ASIC2: variants seen among roughly 807,000 people sequenced by gnomAD.
ASIC2 encodes the protein acid sensing ion channel subunit 2.
A neutral mutation model predicts 57.3 loss-of-function variants in ASIC2; 25 were observed. The ratio of observed to expected loss-of-function variants is 0.44; its 90% CI spans 0.32 to 0.61. The LOEUF (loss-of-function observed/expected upper bound fraction) is 0.61. ASIC2 is among the 20% of genes least tolerant of loss of function. ASIC2 has a pLI of 0.06. For synonymous variants in ASIC2, 319 were observed against 307.5 expected (o/e 1.04, Z -0.39); for missense variants, 641 against 738.1 (o/e 0.87, Z 1.52).
At chr17:33,747,461 G>T (rs1910302792) in intron 1 of ASIC2, among the ~76,000 whole-genome samples, 1 of 152,108 alleles carries the variant, frequency 6.6e-6, no homozygotes, top group South Asian at 2.1e-4. Flanking sequence ...GAGCTCAAGT[G>T]ATCTGCCTGC....
intron 1 of ASIC2, among the ~76,000 whole-genome samples, chr17:33,613,173 C>A (rs766145497): frequency 6.6e-6 from 1 of 152,064 alleles, no homozygotes; most frequent in South Asian, 2.1e-4. Context: ...ACATGGACTA[C>A]GATTTCCCGG....
At chr17:34,028,641 A>T (rs149128737) in intron 1 of ASIC2, among the ~76,000 whole-genome samples, 216 of 152,360 alleles carry the variant, frequency 1.4e-3, no homozygotes, top group African/African-American at 4.6e-3. Flanking sequence ...ACAAGAGGAC[A>T]TATCTGGAGT....
chr17:34,014,200 A>C (rs1906865614), intron 1 of ASIC2, among the ~76,000 whole-genome samples: 1 of 152,200 alleles, frequency 6.6e-6, no homozygotes, highest in Non-Finnish European at 1.5e-5. Context: ...TCATGATTTC[A>C]ATAAACTAAA....
At chr17:33,879,289 T>C (rs1054389727) in intron 1 of ASIC2, among the ~76,000 whole-genome samples, 13 of 152,104 alleles carry the variant, frequency 8.5e-5, no homozygotes, top group Non-Finnish European at 1.9e-4. Flanking sequence ...GGCTAAATGC[T>C]CCAATTAAAA....
intron 1 of ASIC2, among the ~76,000 whole-genome samples, chr17:33,797,484 T>C (rs1014118712): frequency 6.6e-6 from 1 of 152,214 alleles, no homozygotes; most frequent in Non-Finnish European, 1.5e-5. Flanking sequence ...ATAAATGTTA[T>C]ATATTTATCT....
chr17:33,077,267 C>G (rs886170634), intron 3 of ASIC2, among the ~76,000 whole-genome samples: 1 of 152,080 alleles, frequency 6.6e-6, no homozygotes, highest in African/African-American at 2.4e-5. Context: ...GCACATAAAT[C>G]GGGAGTGATG....
chr17:33,764,925 A>G (rs1430906462), intron 1 of ASIC2, among the ~76,000 whole-genome samples: 1 of 152,038 alleles, frequency 6.6e-6, no homozygotes, highest in Admixed American at 6.5e-5. Flanking sequence ...TCTTCTGCTC[A>G]TGGACCATCA....
Position 33,177,702 on chromosome 17 carries a change from G to T in ASIC2, c.709-65635C>A, listed in dbSNP as rs573966894. Among the ~76,000 whole-genome samples the T allele has an allele frequency of 2.6e-5, 4 of 152,192 alleles. No homozygotes were observed. The South Asian group carries it at 8.3e-4, about 32-fold the overall frequency. ...GAACCCTCAAACCCCTCAGTCTTAG[G>T]GGGTGGAGGCTGCTCCTGGAGGAAT... On this transcript the variant is annotated intron_variant, in intron 1 of 9. Coordinates refer to ENST00000225823, the MANE Select transcript of ASIC2 (RefSeq NM_183377.2).
intron 1 of ASIC2, among the ~76,000 whole-genome samples, chr17:34,034,526 A>C (rs945551615): frequency 6.6e-6 from 1 of 152,196 alleles, no homozygotes; most frequent in Admixed American, 6.5e-5. Flanking sequence ...ATCAGGCAGG[A>C]GAAGGAAATA....
At chr17:33,051,773 T>C (rs2091977943) in intron 3 of ASIC2, among the ~76,000 whole-genome samples, 1 of 152,182 alleles carries the variant, frequency 6.6e-6, no homozygotes, top group Non-Finnish European at 1.5e-5. Context: ...AGGCAGTCAA[T>C]ATAGCAGAGA....
chr17:33,746,306 A>G (rs1910256802), intron 1 of ASIC2, among the ~76,000 whole-genome samples: 2 of 150,434 alleles, frequency 1.3e-5, no homozygotes. Flanking sequence ...ACGTATGTAT[A>G]TACATGTACA....
chr17:33,555,438 G>A (rs1915878997), intron 1 of ASIC2, among the ~76,000 whole-genome samples: 1 of 152,026 alleles, frequency 6.6e-6, no homozygotes, highest in Non-Finnish European at 1.5e-5. Context: ...CCAGCAACAT[G>A]TGTATGAAGA....
chr17:34,027,812 C>T (rs563611881), intron 1 of ASIC2, among the ~76,000 whole-genome samples: 2 of 152,352 alleles, frequency 1.3e-5, no homozygotes, highest in South Asian at 2.1e-4. Context: ...ACTGCTATAT[C>T]TCTAGGACCT....
At chr17:33,475,665 G>T (rs1455398367) in intron 1 of ASIC2, among the ~76,000 whole-genome samples, 1 of 152,208 alleles carries the variant, frequency 6.6e-6, no homozygotes, top group Admixed American at 6.5e-5. Context: ...ACCCAAAATT[G>T]CAGTAATTGC....
intron 1 of ASIC2, among the ~76,000 whole-genome samples, chr17:33,914,320 G>A (rs1394624484): frequency 9.2e-5 from 14 of 152,286 alleles, no homozygotes; most frequent in Non-Finnish European, 1.6e-4. Context: ...TCTCATTTAT[G>A]TTATCCAGCC....
chr17:33,636,125 A>C (rs1217368827), intron 1 of ASIC2, among the ~76,000 whole-genome samples: 1 of 152,250 alleles, frequency 6.6e-6, no homozygotes, highest in Non-Finnish European at 1.5e-5. Context: ...TATATGTGTG[A>C]ATATATGTGG....
rs538747196 is a variant in ASIC2 at position 34,089,138 on chromosome 17, T to C, written c.555+66840A>G. ...CACCTGTCTTCTGCGTCGTTCATGC[T>C]GGGAGCTGTAGACTGGAGCTGTTCC... On this transcript the variant is annotated intron_variant, in intron 1 of 9. Coordinates refer to the ASIC2 transcript ENST00000359872. 2.0e-5 allele frequency among the ~76,000 whole-genome samples: 3 copies of C among 152,354 alleles called. No individual in the cohort carries two copies. The East Asian group carries it at 5.8e-4, about 29-fold the overall frequency.
chr17:33,097,353 ACATTT>A (rs1214313204), intron 2 of ASIC2, among the ~76,000 whole-genome samples: 1 of 152,240 alleles, frequency 6.6e-6, no homozygotes, highest in Non-Finnish European at 1.5e-5. Flanking sequence ...CCATTTCATT[ACATTT>A]CATTTTATTT....
At chr17:33,958,546 C>G (rs1193237292) in intron 1 of ASIC2, among the ~76,000 whole-genome samples, 2 of 152,206 alleles carry the variant, frequency 1.3e-5, no homozygotes, top group African/African-American at 4.8e-5. Flanking sequence ...GAAGCAATGG[C>G]CTGAGCTGTA....
Sources: gnomAD v4.1 joint callset for allele counts (sites outside exome capture counted in the v4.1 genomes callset) on GRCh38, gnomAD v4.1.1 for gene constraint, MANE v1.5 for transcripts, NCBI Gene and HGNC (gene_info 2026-07-23, HGNC 2026-07-21) for gene names.